The following STK32B variants were observed in gnomAD, a reference collection of about 807,000 sequenced individuals.
The protein encoded by STK32B is serine/threonine-protein kinase 32B.
In STK32B, 43 loss-of-function variants were observed where a neutral mutation model predicts 52.6. That is an observed-to-expected ratio of 0.82 (90% CI 0.64 to 1.05). The LOEUF (loss-of-function observed/expected upper bound fraction) is 1.05. Ranked by LOEUF, STK32B falls within the 50% of genes least tolerant of loss-of-function variation. STK32B has a pLI of 0.00. For synonymous variants in STK32B, 238 were observed against 204.3 expected (o/e 1.17, Z -1.41); for missense variants, 621 against 534.6 (o/e 1.16, Z -1.59).
At chr4:5,094,538 C>T (rs112753781) in intron 1 of STK32B, among the ~76,000 whole-genome samples, 6,001 of 152,154 alleles carry the variant, frequency 0.039, 392 homozygotes, top group African/African-American at 0.14. Flanking sequence ...CCTGCAGACC[C>T]AGCTACTTGG....
chr4:5,449,148 C>T (rs1715744966), intron 7 of STK32B, among the ~76,000 whole-genome samples: 1 of 152,160 alleles, frequency 6.6e-6, no homozygotes, highest in Non-Finnish European at 1.5e-5. Flanking sequence ...CGAAACAAGC[C>T]TTGCCAATAT....
intron 3 of STK32B, among the ~76,000 whole-genome samples, chr4:5,231,572 A>G (rs960440820): frequency 1.3e-5 from 2 of 152,234 alleles, no homozygotes; most frequent in Non-Finnish European, 2.9e-5. Context: ...AGATTGCACC[A>G]CGGCACTCCA....
At chr4:5,393,766 A>G (rs745319230) in intron 4 of STK32B, among the ~76,000 whole-genome samples, 7 of 152,132 alleles carry the variant, frequency 4.6e-5, no homozygotes, top group Non-Finnish European at 8.8e-5. Flanking sequence ...ACAATTCGAC[A>G]TGAGATTTGG....
intron 11 of STK32B, among the ~76,000 whole-genome samples, chr4:5,473,290 G>C (rs906073574): frequency 1.3e-4 from 20 of 152,168 alleles, no homozygotes; most frequent in Non-Finnish European, 5.9e-5. Flanking sequence ...CTGGTGGCAC[G>C]AGCTTTCAGA....
intron 5 of STK32B, among the ~76,000 whole-genome samples, chr4:5,413,360 C>G (rs777276884): frequency 6.6e-6 from 1 of 152,176 alleles, no homozygotes; most frequent in Non-Finnish European, 1.5e-5. Context: ...TGGAATCAGG[C>G]TTCAGGCAGG....
At chr4:5,477,955 C>T (rs1036477411) in intron 11 of STK32B, among the ~76,000 whole-genome samples, 4 of 152,138 alleles carry the variant, frequency 2.6e-5, no homozygotes, top group Admixed American at 2.6e-4. Context: ...AAACCTCACC[C>T]TTAAGCCAGC....
chr4:5,440,117 G>T lies in STK32B; in HGVS notation c.563-6556G>T, dbSNP rs564504734. On this transcript the variant is annotated intron_variant, in intron 6 of 11. Transcript: ENST00000282908. ...TTTTTGGTTCCATATGAACTTTAAA[G>T]TAGTTTTTTCCAATTCTGTGAAGAA... Among the ~76,000 whole-genome samples, 7 of 152,238 alleles carry T rather than the reference G, an allele frequency of 4.6e-5. No homozygotes were observed. In the East Asian group the frequency reaches 9.7e-4, roughly 21 times the overall value.
intron 3 of STK32B, among the ~76,000 whole-genome samples, chr4:5,262,943 A>G (rs1296671696): frequency 6.6e-6 from 1 of 152,172 alleles, no homozygotes; most frequent in Non-Finnish European, 1.5e-5. Flanking sequence ...TAACACCCAC[A>G]TGGAAGAAGA....
chr4:5,395,546 C>A lies in STK32B; in HGVS notation c.435-2661C>A, dbSNP rs893182497. On this transcript the variant is annotated intron_variant, in intron 4 of 11. Coordinates refer to ENST00000282908, the MANE Select transcript of STK32B (RefSeq NM_018401.3). The surrounding 1 kb of genome is among the most constrained non-coding windows in gnomAD (Gnocchi z 4.4). The stretch of plus-strand genomic sequence containing the variant: ...TGCCTTCTTCACCTGCCACAACTTA[C>A]AATCCTGCCATTGATTCATGTGCCT... Among the ~76,000 whole-genome samples the A allele has an allele frequency of 9.2e-5, 14 of 152,204 alleles. No homozygotes were observed. The highest frequency in any genetic ancestry group is 3.1e-4 in the African/African-American group (13 of 41,448).
the STK32B span, among the ~76,000 whole-genome samples, chr4:5,046,354 C>G: frequency 6.6e-6 from 1 of 152,086 alleles, no homozygotes; most frequent in Non-Finnish European, 1.5e-5. Flanking sequence ...ATACCTTATA[C>G]AAAAATTAAC....
At chr4:5,051,404 G>T (rs371082613), upstream of STK32B, 52 of 177,648 alleles carry the variant, frequency 2.9e-4, no homozygotes, top group East Asian at 8.7e-3. Flanking sequence ...CTTCCGGGCC[G>T]ATCCCTTTCT....
chr4:5,188,631 G>C (rs1227476990), intron 3 of STK32B, among the ~76,000 whole-genome samples: 1 of 152,120 alleles, frequency 6.6e-6, no homozygotes, highest in Non-Finnish European at 1.5e-5. Context: ...TACCTTGGCT[G>C]TCCCTAACCC....
intron 4 of STK32B, among the ~76,000 whole-genome samples, chr4:5,367,784 G>A (rs1012645310): frequency 2.6e-5 from 4 of 152,072 alleles, no homozygotes; most frequent in Admixed American, 6.5e-5. Context: ...TTCTCTGCTG[G>A]ACAGCAGAGC....
At chr4:5,295,959 G>T (rs189374706) in intron 3 of STK32B, among the ~76,000 whole-genome samples, 3 of 151,874 alleles carry the variant, frequency 2.0e-5, no homozygotes, top group African/African-American at 7.2e-5. Context: ...AGATTCTGGC[G>T]TGTTGTGTCT....
At chr4:5,265,095 A>T (rs1005025053) in intron 3 of STK32B, among the ~76,000 whole-genome samples, 8 of 152,186 alleles carry the variant, frequency 5.3e-5, no homozygotes, top group African/African-American at 1.9e-4. Flanking sequence ...ATCTTTGTCA[A>T]TGGTGTGAAG....
Position 5,055,036 on chromosome 4 carries a change from G to C in STK32B, c.52+3121G>C, listed in dbSNP as rs79453187. 2.5e-3 allele frequency among the ~76,000 whole-genome samples: 374 copies of C among 152,180 alleles called. 8 individuals are homozygous for C. In the East Asian group the frequency reaches 0.04, roughly 16 times the overall value. On this transcript the variant is annotated intron_variant, in intron 1 of 11. Transcript: ENST00000282908. ...TGGCATCTAACATTTGGTGAAAAAG[G>C]GCACGTTAGCTGAGCCTCCTCCAGT...
Position 5,434,454 on chromosome 4 carries a change from G to GTGTATA in STK32B, c.563-12218_563-12217insGTATAT, listed in dbSNP as rs1412605937. Among the ~76,000 whole-genome samples the GTGTATA allele has an allele frequency of 1.2e-3, 163 of 131,248 alleles. 1 individual carries two copies. The highest frequency in any genetic ancestry group is 3.8e-3 in the African/African-American group (133 of 35,038). 86.1% of individuals were successfully genotyped at this position (131,248 alleles called of 152,430 possible). The stretch of plus-strand genomic sequence containing the variant: ...TGTATGTGTGTGTGTGTGTGTGTGT[G>GTGTATA]TATATATATATATATATATGATTTT... On this transcript the variant is annotated intron_variant, in intron 6 of 11. Coordinates refer to ENST00000282908, the MANE Select transcript of STK32B (RefSeq NM_018401.3).
chr4:5,406,393 C>T (rs1490107771), intron 5 of STK32B, among the ~76,000 whole-genome samples: 4 of 152,100 alleles, frequency 2.6e-5, no homozygotes, highest in Non-Finnish European at 5.9e-5. Context: ...TAATGGTGGG[C>T]CCTCTTCTCA....
intron 3 of STK32B, among the ~76,000 whole-genome samples, chr4:5,265,695 C>T (rs74921844): frequency 0.011 from 1,676 of 152,272 alleles, 20 homozygotes; most frequent in African/African-American, 0.038. Flanking sequence ...AACCTTTCCA[C>T]ATCTTATAAC....
Sources: allele counts gnomAD v4.1 joint callset (sites outside exome capture counted in the v4.1 genomes callset), GRCh38; gene constraint gnomAD v4.1.1; non-coding constraint Gnocchi (gnomAD v3.1); transcripts MANE v1.5; gene names NCBI Gene and HGNC (gene_info 2026-07-23, HGNC 2026-07-21).